KDM4C: variants seen among roughly 807,000 people sequenced by gnomAD.
The protein encoded by KDM4C is lysine demethylase 4C, also known as lysine-specific demethylase 4C.
In KDM4C, 81 loss-of-function variants were observed where a neutral mutation model predicts 129.3. The observed-to-expected ratio is 0.63, with a 90% CI of 0.52 to 0.75. The LOEUF (loss-of-function observed/expected upper bound fraction) is 0.75, where lower values mean the gene tolerates loss of function less well. Ranked by LOEUF, KDM4C falls within the 30% of genes least tolerant of loss-of-function variation. The pLI is 0.00. For missense variants in KDM4C, 1,457 were observed against 1,304.0 expected (o/e 1.12, Z -1.81); for synonymous variants, 573 against 456.1 (o/e 1.26, Z -3.26).
chr9:7,061,491 G>T (rs1043006357), intron 17 of KDM4C, among the ~76,000 whole-genome samples: 1 of 152,206 alleles, frequency 6.6e-6, no homozygotes, highest in African/African-American at 2.4e-5. Flanking sequence ...CCTGGTGCTG[G>T]TGGGTTGGGT....
chr9:6,852,361 G>A (rs539652265), intron 5 of KDM4C, among the ~76,000 whole-genome samples: 1 of 152,148 alleles, frequency 6.6e-6, no homozygotes, highest in Non-Finnish European at 1.5e-5. Context: ...AGTGCATGTG[G>A]CTTTGGGCAA....
chr9:7,030,595 A>G (rs551959356), intron 15 of KDM4C, among the ~76,000 whole-genome samples: 1 of 152,340 alleles, frequency 6.6e-6, no homozygotes, highest in South Asian at 2.1e-4. Context: ...GTACCCTTCA[A>G]TTATGCTATG....
At chr9:7,024,492 C>T (rs532269642) in intron 15 of KDM4C, among the ~76,000 whole-genome samples, 1 of 151,304 alleles carries the variant, frequency 6.6e-6, no homozygotes, top group Non-Finnish European at 1.5e-5. Flanking sequence ...CGTCCCCCCA[C>T]CCCACAACAG....
chr9:7,095,622 G>A (rs1405762161), intron 17 of KDM4C, among the ~76,000 whole-genome samples: 3 of 151,792 alleles, frequency 2.0e-5, no homozygotes, highest in African/African-American at 7.3e-5. Flanking sequence ...TAACTAATGT[G>A]AATTCAATCA....
chr9:6,819,541 G>A (rs1832671832), intron 4 of KDM4C, among the ~76,000 whole-genome samples: 1 of 152,216 alleles, frequency 6.6e-6, no homozygotes. Context: ...CAGCTCCTGA[G>A]TTGGACTGAC....
chr9:6,930,540 T>TA (rs1316793225), intron 8 of KDM4C, among the ~76,000 whole-genome samples: 2 of 97,648 alleles, frequency 2.0e-5, no homozygotes, highest in African/African-American at 7.1e-5. Context: ...ATATATGTGT[T>TA]ATATATAACA....
chr9:6,920,171 A>G (rs1406645491), intron 8 of KDM4C, among the ~76,000 whole-genome samples: 2 of 151,934 alleles, frequency 1.3e-5, no homozygotes, highest in African/African-American at 4.8e-5. Flanking sequence ...GGTGCTGGTG[A>G]TTGTTTGGGG....
intron 8 of KDM4C, among the ~76,000 whole-genome samples, chr9:6,905,821 C>G (rs1818214982): frequency 6.6e-6 from 1 of 152,216 alleles, no homozygotes; most frequent in African/African-American, 2.4e-5. Context: ...TTCAGCCCCT[C>G]AGACTGAAAA....
At chr9:6,891,285 G>C (rs557190394) in intron 7 of KDM4C, among the ~76,000 whole-genome samples, 2 of 152,254 alleles carry the variant, frequency 1.3e-5, no homozygotes, top group African/African-American at 2.4e-5. Flanking sequence ...GAATAAATAA[G>C]CAAGTGTGAT....
chr9:7,149,014 C>T (rs982416934), intron 19 of KDM4C, among the ~76,000 whole-genome samples: 3 of 152,216 alleles, frequency 2.0e-5, no homozygotes, highest in African/African-American at 7.2e-5. Context: ...CCAGGGATCC[C>T]TCCCATCCCT....
chr9:7,161,457 T>A (rs114394401), intron 19 of KDM4C, among the ~76,000 whole-genome samples: 1,635 of 152,320 alleles, frequency 0.011, 33 homozygotes, highest in African/African-American at 0.037. Context: ...TATTTGGCCA[T>A]CTTCCAGACC....
chr9:7,148,127 T>C (rs1313890337), intron 19 of KDM4C, among the ~76,000 whole-genome samples: 2 of 152,196 alleles, frequency 1.3e-5, no homozygotes, highest in African/African-American at 4.8e-5. Flanking sequence ...GGACCAGATA[T>C]ACGACAAGCA....
chr9:6,838,832 C>T (rs72701434), intron 4 of KDM4C, among the ~76,000 whole-genome samples: 30,500 of 152,092 alleles, frequency 0.2, 3,314 homozygotes, highest in African/African-American at 0.26. Flanking sequence ...GTACTGCATA[C>T]GGATCTATTC....
chr9:6,978,424 G>T (rs1444329602), intron 8 of KDM4C, among the ~76,000 whole-genome samples: 1 of 152,126 alleles, frequency 6.6e-6, no homozygotes, highest in Non-Finnish European at 1.5e-5. Flanking sequence ...GAAAAATTTA[G>T]TATAGGTGGG....
chr9:6,835,527 G>GC (rs1405512666), intron 4 of KDM4C: 14 of 1,503,094 alleles, frequency 9.3e-6, no homozygotes. Flanking sequence ...GGATCAGCAA[G>GC]CAGGAGTATG....
At chr9:6,972,773 C>A (rs1302729615) in intron 8 of KDM4C, among the ~76,000 whole-genome samples, 3 of 152,172 alleles carry the variant, frequency 2.0e-5, no homozygotes, top group Non-Finnish European at 4.4e-5. Flanking sequence ...CAGTTCTTCT[C>A]ATTTTGATTT....
intron 4 of KDM4C, among the ~76,000 whole-genome samples, chr9:6,831,485 G>T (rs1209610394): frequency 6.6e-6 from 1 of 152,144 alleles, no homozygotes; most frequent in Non-Finnish European, 1.5e-5. Context: ...TGGGATTACA[G>T]GTGTGTGCCA....
At position 6,948,460 on chromosome 9, in the gene KDM4C, T is replaced by G. The variant is rs1474727970; in HGVS notation, c.922-32465T>G. On this transcript the variant is annotated intron_variant, in intron 8 of 21. Transcript: ENST00000381309. ...GGTGATGATATGACACTTTCCTCAT[T>G]TTTTTTTTTTTTTTAGTGTGCTGTT... is the stretch of plus-strand genomic sequence containing the variant. Among the ~76,000 whole-genome samples the G allele has an allele frequency of 2.7e-5, 4 of 145,630 alleles. No homozygotes were observed. In the East Asian group the frequency reaches 5.9e-4, roughly 22 times the overall value.
At chr9:7,153,103 T>C (rs954906458) in intron 19 of KDM4C, among the ~76,000 whole-genome samples, 6 of 152,202 alleles carry the variant, frequency 3.9e-5, no homozygotes, top group Non-Finnish European at 8.8e-5. Flanking sequence ...AAATACTTTT[T>C]CTTCTTTTTT....
Sources: allele counts gnomAD v4.1 joint callset (sites outside exome capture counted in the v4.1 genomes callset), GRCh38; gene constraint gnomAD v4.1.1; transcripts MANE v1.5; gene names NCBI Gene and HGNC (gene_info 2026-07-23, HGNC 2026-07-21).